The following HSDL2 variants were observed in gnomAD, a reference collection of about 807,000 sequenced individuals.
HSDL2 encodes hydroxysteroid dehydrogenase like 2, also known as hydroxysteroid dehydrogenase-like protein 2.
HSDL2 carries 27 observed loss-of-function variants against 46.3 expected under a neutral mutation model. That is an observed-to-expected ratio of 0.58 (90% CI 0.43 to 0.80). The LOEUF is 0.80. HSDL2 is among the 30% of genes least tolerant of loss of function. HSDL2 has a pLI of 0.00. For missense variants in HSDL2, 451 were observed against 502.7 expected (o/e 0.90, Z 0.98); for synonymous variants, 153 against 163.6 (o/e 0.94, Z 0.50).
chr9:112,436,286 T>A (rs1029228550), intron 6 of HSDL2, among the ~76,000 whole-genome samples: 1 of 151,730 alleles, frequency 6.6e-6, no homozygotes, highest in Non-Finnish European at 1.5e-5. Context: ...AGTAAATGAT[T>A]TTTAGTTATG....
rs568058037 is a variant in HSDL2 at position 112,410,923 on chromosome 9, T to C, written c.395+1902T>C. 3.3e-5 allele frequency among the ~76,000 whole-genome samples: 5 copies of C among 152,332 alleles called. No individual in the cohort carries two copies. The East Asian group carries it at 9.6e-4, about 29-fold the overall frequency. ...CAGCCTGGGTGACAGAGCGAGACCC[T>C]GTCTCAAAAACTTTATTGGTTGCTT... On this transcript the variant is annotated intron_variant, in intron 4 of 10. Coordinates refer to ENST00000398805, the MANE Select transcript of HSDL2 (RefSeq NM_032303.5).
In HSDL2 at chr9:112,416,906, C is replaced by G. The variant is rs199957858; in HGVS notation, c.461C>G (p.Pro154Arg). 164 of 1,604,354 alleles carry G rather than the reference C, an allele frequency of 1.0e-4. 1 individual carries two copies. Among genetic ancestry groups the G allele is most frequent in the Non-Finnish European group, 2.0e-5 (24 of 1,171,574 alleles). ...KVAHILNISP[P>R]LNLNPVWFKQ... is the part of the protein sequence containing the mutation. ...GCTCATATCCTCAATATCAGTCCAC[C>G]ACTGAACCTAAATCCAGTTTGGTTC... The change falls in exon 5 of 11, where the codon CCA (proline) becomes CGA (arginine). Residue 154 changes from proline (P) to arginine (R), a missense_variant. Transcript: ENST00000398805.
At chr9:112,388,874 T>C (rs942997550) in intron 1 of HSDL2, among the ~76,000 whole-genome samples, 5 of 151,584 alleles carry the variant, frequency 3.3e-5, no homozygotes, top group African/African-American at 9.7e-5. Context: ...TAACGGAGAC[T>C]AAAGAGATAT....
intron 1 of HSDL2, among the ~76,000 whole-genome samples, chr9:112,403,557 T>C (rs1444458760): frequency 1.3e-5 from 2 of 152,232 alleles, no homozygotes; most frequent in Non-Finnish European, 2.9e-5. Flanking sequence ...AGGTAATTTA[T>C]TTTAAGTGGT....
intron 6 of HSDL2, among the ~76,000 whole-genome samples, chr9:112,427,093 C>T (rs1374559428): frequency 6.6e-6 from 1 of 152,094 alleles, no homozygotes; most frequent in East Asian, 1.9e-4. Context: ...CTCACTCTGT[C>T]ACCCAGGCTG....
chr9:112,458,312 C>G (rs1688720234), intron 9 of HSDL2, among the ~76,000 whole-genome samples: 1 of 65,492 alleles, frequency 1.5e-5, no homozygotes, highest in South Asian at 7.0e-4. Context: ...ACATTTTAAC[C>G]ACTTCTTCTT....
chr9:112,423,956 C>G (rs568144222), intron 6 of HSDL2, among the ~76,000 whole-genome samples: 45 of 151,718 alleles, frequency 3.0e-4, no homozygotes, highest in South Asian at 2.5e-3. Flanking sequence ...TCAGATGATC[C>G]TCCTGCCTTG....
intron 1 of HSDL2, among the ~76,000 whole-genome samples, chr9:112,390,986 G>A (rs1005519886): frequency 6.6e-6 from 1 of 151,806 alleles, no homozygotes; most frequent in African/African-American, 2.4e-5. Context: ...GACCAGCCTG[G>A]CCAACATGGT....
chr9:112,384,141 G>T (rs984381737), intron 1 of HSDL2, among the ~76,000 whole-genome samples: 2 of 152,072 alleles, frequency 1.3e-5, no homozygotes, highest in African/African-American at 4.8e-5. Flanking sequence ...AGAATAATTT[G>T]TATAGTTTTT....
chr9:112,390,108 A>AG (rs1831309094), intron 1 of HSDL2, among the ~76,000 whole-genome samples: 2 of 151,308 alleles, frequency 1.3e-5, no homozygotes, highest in Non-Finnish European at 2.9e-5. Context: ...AAAGTAAAAA[A>AG]TAAAATAAAA....
intron 3 of HSDL2, among the ~76,000 whole-genome samples, chr9:112,406,166 GAA>G (rs201966255): frequency 6.0e-5 from 7 of 117,156 alleles, no homozygotes; most frequent in Non-Finnish European, 3.7e-5. Context: ...GTCTCAAAAA[GAA>G]AAAAAAAAAA....
intron 10 of HSDL2, among the ~76,000 whole-genome samples, chr9:112,467,671 T>C (rs144570573): frequency 1.1e-4 from 17 of 152,322 alleles, no homozygotes; most frequent in African/African-American, 2.6e-4. Context: ...CTTCAAGATA[T>C]GAAGTTTGTG....
At chr9:112,389,929 G>A (rs1260572752) in intron 1 of HSDL2, among the ~76,000 whole-genome samples, 1 of 152,040 alleles carries the variant, frequency 6.6e-6, no homozygotes, top group Non-Finnish European at 1.5e-5. Flanking sequence ...GCCAGTCATG[G>A]TGGCGCATAC....
intron 10 of HSDL2, among the ~76,000 whole-genome samples, chr9:112,463,188 T>A (rs1458757174): frequency 6.6e-6 from 1 of 152,206 alleles, no homozygotes; most frequent in African/African-American, 2.4e-5. Flanking sequence ...AGTATGGATA[T>A]TTGTTTTCAT....
At chr9:112,434,247 G>C (rs1221639789) in intron 6 of HSDL2, 1 of 152,410 alleles carries the variant, frequency 6.6e-6, no homozygotes, top group African/African-American at 2.4e-5. Context: ...ATTTGGGCTT[G>C]GGGTGGGGAG....
intron 1 of HSDL2, among the ~76,000 whole-genome samples, chr9:112,399,686 A>G (rs1831545020): frequency 6.6e-6 from 1 of 152,218 alleles, no homozygotes; most frequent in Non-Finnish European, 1.5e-5. Flanking sequence ...TCGCTAGGAA[A>G]AGAATTTAGC....
rs1405739842 is a variant in HSDL2 at position 112,470,974 on chromosome 9, T to C, written c.*430T>C. 2 of 152,432 alleles carry C rather than the reference T, an allele frequency of 1.3e-5. No homozygotes were observed. Among genetic ancestry groups the C allele is most frequent in the Non-Finnish European group, 2.9e-5 (2 of 68,210 alleles). 9.4% of individuals were successfully genotyped at this position (152,432 alleles called of 1,614,324 possible). On this transcript the variant is annotated 3_prime_UTR_variant, in exon 11 of 11. Transcript: ENST00000398805. ...CTTAATGATGTTTTTGATTTTTATA[T>C]ACTTATTTTAAAGAAAATCTTATAT... is the stretch of plus-strand genomic sequence containing the variant.
intron 1 of HSDL2, among the ~76,000 whole-genome samples, chr9:112,384,060 C>T (rs139260227): frequency 6.6e-6 from 1 of 152,274 alleles, no homozygotes; most frequent in Admixed American, 6.5e-5. Flanking sequence ...AAGCTAGTTC[C>T]CACCACATTT....
chr9:112,418,810 CAAAT>C, intron 5 of HSDL2, 46 bp from the exon 6 acceptor site: 1 of 1,066,970 alleles, frequency 9.4e-7, no homozygotes, highest in South Asian at 1.5e-5. Context: ...ACAAGTTAAT[CAAAT>C]TAATTTCTTT....
Sources: allele counts gnomAD v4.1 joint callset (sites outside exome capture counted in the v4.1 genomes callset), GRCh38; gene constraint gnomAD v4.1.1; transcripts MANE v1.5; gene names NCBI Gene and HGNC (gene_info 2026-07-23, HGNC 2026-07-21).